The following MYLK variants were observed in gnomAD, a reference collection of about 807,000 sequenced individuals.
The protein encoded by MYLK is myosin light chain kinase.
A neutral mutation model predicts 203.4 loss-of-function variants in MYLK; 106 were observed. The ratio of observed to expected loss-of-function variants is 0.52; its 90% confidence interval spans 0.45 to 0.61. The LOEUF is 0.61. Among genes scored for constraint, MYLK ranks in the 20% least tolerant of loss-of-function variants. The pLI is 0.00. For missense variants in MYLK, 2,072 were observed against 2,442.3 expected, an observed-to-expected ratio of 0.85 and a Z score of 3.20; for synonymous variants, 867 against 959.5, an observed-to-expected ratio of 0.90 and a Z score of 1.78.
chr3:123,700,635 C>A lies in MYLK; in HGVS notation c.2833G>T (p.Val945Leu). 1.2e-6 allele frequency: 2 copies of A among 1,614,020 alleles called. No individual in the cohort carries two copies. The highest frequency in any genetic ancestry group is 1.7e-6 in the Non-Finnish European group (2 of 1,180,032). ...AAATCGACCTGCTGGGGGCTGTGCA[C>A]CTTCCTCTCTTCCTCAGACACAGTC... ...PKTVSEEERKVHSPQQVDFRS... is the reference protein window; with the variant it reads ...PKTVSEEERKLHSPQQVDFRS... Residue 945 changes from valine (V) to leucine (L), a missense_variant, in exon 18 of 34, where the codon GTG (valine) becomes TTG (leucine). Coordinates refer to ENST00000360304, the MANE Select transcript of MYLK (RefSeq NM_053025.4).
At chr3:123,681,116 G>A (rs1308737192) in intron 20 of MYLK, 1 of 152,140 alleles carries the variant, frequency 6.6e-6, no homozygotes, top group Non-Finnish European at 1.5e-5. Context: ...TTCATGTCAT[G>A]AATTAAAACC....
At chr3:123,781,861 TA>T (rs983118268) in intron 4 of MYLK, among the ~76,000 whole-genome samples, 1 of 152,182 alleles carries the variant, frequency 6.6e-6, no homozygotes, top group African/African-American at 2.4e-5. Flanking sequence ...GAATCAAATC[TA>T]AACACTCAAA....
intron 4 of MYLK, among the ~76,000 whole-genome samples, chr3:123,758,832 CTTTT>C (rs1158288361): frequency 6.6e-6 from 1 of 151,926 alleles, no homozygotes; most frequent in East Asian, 1.9e-4. Flanking sequence ...TTCTTTCTTT[CTTTT>C]TTTTCTGAGA....
In MYLK at chr3:123,610,214, TTTTTA is replaced by T. The variant is rs1408668491; in HGVS notation, c.*3886_*3890del. The T allele has an allele frequency of 2.6e-5, 4 of 152,160 alleles. No homozygotes were observed. Among genetic ancestry groups the T allele is most frequent in the Non-Finnish European group, 2.9e-5 (2 of 68,020 alleles). 9.4% of individuals were successfully genotyped at this position (152,160 alleles called of 1,614,324 possible). ...AACTCATACAACTGAGGAACTGAAT[TTTTTA>T]TTTTATTTTTTAAAGTAACTTAAAT... On this transcript the variant is annotated 3_prime_UTR_variant, in exon 34 of 34. Coordinates refer to ENST00000360304, the MANE Select transcript of MYLK (RefSeq NM_053025.4).
In MYLK at chr3:123,640,257, G is replaced by A. The variant is rs1473547306; in HGVS notation, c.4837+30C>T. 1.9e-6 allele frequency: 3 copies of A among 1,599,866 alleles called. No homozygotes were observed. Among genetic ancestry groups the A allele is most frequent in the Non-Finnish European group, 2.6e-6 (3 of 1,167,310 alleles). On this transcript the variant is annotated intron_variant, in intron 28 of 33. Transcript: ENST00000360304. The surrounding 1 kb of genome is among the most constrained non-coding windows in gnomAD (Gnocchi z 4.3). ...GAAACGGCCAGTGCAATACACACTGGTGTCCATGGGAGAGGCAGATGAGCC... is the reference window on the plus strand; with the variant it reads ...GAAACGGCCAGTGCAATACACACTGATGTCCATGGGAGAGGCAGATGAGCC...
chr3:123,676,384 C>G (rs1175484374), intron 20 of MYLK, among the ~76,000 whole-genome samples: 2 of 152,218 alleles, frequency 1.3e-5, no homozygotes, highest in African/African-American at 4.8e-5. Context: ...ATCCCAACCT[C>G]TCTTCCAGCC....
intron 2 of MYLK, among the ~76,000 whole-genome samples, chr3:123,849,869 A>G (rs1372463099): frequency 6.6e-6 from 1 of 151,794 alleles, no homozygotes; most frequent in African/African-American, 2.4e-5. Flanking sequence ...CATTAGGTAT[A>G]TCTCCTAATG....
intron 3 of MYLK, among the ~76,000 whole-genome samples, chr3:123,827,238 T>TA (rs2066151126): frequency 6.6e-6 from 1 of 152,018 alleles, no homozygotes; most frequent in Non-Finnish European, 1.5e-5. Context: ...ATTAATGCAA[T>TA]AAAAATTAGC....
intron 2 of MYLK, among the ~76,000 whole-genome samples, chr3:123,846,088 G>T (rs2029942479): frequency 6.6e-6 from 1 of 152,108 alleles, no homozygotes; most frequent in Non-Finnish European, 1.5e-5. Flanking sequence ...TTGCATTTAG[G>T]ATAAAGCACT....
At chr3:123,684,542 T>C (rs1266438802) in intron 19 of MYLK, among the ~76,000 whole-genome samples, 1 of 152,064 alleles carries the variant, frequency 6.6e-6, no homozygotes, top group African/African-American at 2.4e-5. Flanking sequence ...AGTAATTGTT[T>C]TGTTTGGCCC....
intron 2 of MYLK, among the ~76,000 whole-genome samples, chr3:123,839,560 C>T (rs1248677554): frequency 6.6e-6 from 1 of 152,080 alleles, no homozygotes; most frequent in Non-Finnish European, 1.5e-5. Context: ...AATACATTAT[C>T]CAAAAAGTCT....
At chr3:123,843,665 G>T (rs143686635) in intron 2 of MYLK, among the ~76,000 whole-genome samples, 1 of 152,066 alleles carries the variant, frequency 6.6e-6, no homozygotes, top group Non-Finnish European at 1.5e-5. Flanking sequence ...TCCAAAGGCC[G>T]TATCAGTCCA....
intron 2 of MYLK, among the ~76,000 whole-genome samples, chr3:123,847,506 T>A (rs533008009): frequency 6.6e-6 from 1 of 152,268 alleles, no homozygotes; most frequent in African/African-American, 2.4e-5. Context: ...GCGAGCCTGA[T>A]GTTACTGTGT....
chr3:123,732,799 A>ACATTTCT, intron 11 of MYLK, 97 bp downstream of exon 11: 1 of 1,207,344 alleles, frequency 8.3e-7, no homozygotes, highest in Non-Finnish European at 1.2e-6. Flanking sequence ...GCACCAAGGC[A>ACATTTCT]GGGGGCTATA....
At chr3:123,859,530 C>T (rs775314219) in intron 2 of MYLK, among the ~76,000 whole-genome samples, 17 of 152,182 alleles carry the variant, frequency 1.1e-4, no homozygotes, top group Non-Finnish European at 2.2e-4. Flanking sequence ...TCACTTTAGC[C>T]TGACTTAATC....
intron 31 of MYLK, among the ~76,000 whole-genome samples, chr3:123,626,153 C>T (rs1266292947): frequency 6.6e-6 from 1 of 152,228 alleles, no homozygotes; most frequent in African/African-American, 2.4e-5. Context: ...GACAGATGGC[C>T]TACCTTCATA....
intron 3 of MYLK, among the ~76,000 whole-genome samples, chr3:123,794,633 T>C (rs1199080578): frequency 6.6e-6 from 1 of 152,116 alleles, no homozygotes; most frequent in Non-Finnish European, 1.5e-5. Context: ...CAGGGCCTGC[T>C]GGGGACTAGA....
chr3:123,883,037 AT>A (rs764823589), intron 1 of MYLK, among the ~76,000 whole-genome samples: 3 of 152,228 alleles, frequency 2.0e-5, no homozygotes, highest in Non-Finnish European at 2.9e-5. Flanking sequence ...TTGATTCCTG[AT>A]TCTTTGAAGT....
rs971795937 is a variant in MYLK, at chr3:123,778,616, C to T, written c.165+15061G>A. ...CCAGGGCCTGAGATTGTCAGACCCG[C>T]CACCCTCAGAAGTAAAATCAGGCAA... On this transcript the variant is annotated intron_variant, in intron 4 of 33. Coordinates refer to ENST00000360304, the MANE Select transcript of MYLK (RefSeq NM_053025.4). 1.5e-4 allele frequency among the ~76,000 whole-genome samples: 23 copies of T among 152,178 alleles called. 1 individual carries two copies. Among genetic ancestry groups the T allele is most frequent in the Admixed American group, 1.3e-4 (2 of 15,282 alleles).
Sources: allele counts gnomAD v4.1 joint callset (sites outside exome capture counted in the v4.1 genomes callset), GRCh38; gene constraint gnomAD v4.1.1; non-coding constraint Gnocchi (gnomAD v3.1); transcripts MANE v1.5; gene names NCBI Gene and HGNC (gene_info 2026-07-23, HGNC 2026-07-21).